The following MIDN variants were observed in gnomAD, a reference collection of about 807,000 sequenced individuals.
The protein encoded by MIDN is midnolin.
Under a neutral mutation model 46.1 loss-of-function variants are expected in MIDN, and 26 were observed. The observed-to-expected ratio is 0.56, with a 90% CI of 0.41 to 0.78. The LOEUF (loss-of-function observed/expected upper bound fraction) is 0.78, where lower values mean the gene tolerates loss of function less well. MIDN is among the 30% of genes least tolerant of loss of function. The pLI is 0.00. For missense variants in MIDN, 850 were observed against 771.8 expected (o/e 1.10, Z -1.20); for synonymous variants, 432 against 343.3 (o/e 1.26, Z -2.86).
chr19:1,256,732 C>G (rs987143124), intron 8 of MIDN, among the ~76,000 whole-genome samples: 2 of 152,116 alleles, frequency 1.3e-5, no homozygotes, highest in South Asian at 4.1e-4. Context: ...AGGCCTGTCT[C>G]GAACTCCTGA....
At chr19:1,249,339 G>A (rs1185677477) in intron 1 of MIDN, among the ~76,000 whole-genome samples, 1 of 149,940 alleles carries the variant, frequency 6.7e-6, no homozygotes, top group African/African-American at 2.4e-5. Context: ...TCGCCCGCCC[G>A]CCCCGGGACC....
chr19:1,249,348 C>T (rs1326705930), intron 1 of MIDN, among the ~76,000 whole-genome samples: 1 of 150,394 alleles, frequency 6.6e-6, no homozygotes, highest in South Asian at 2.1e-4. Context: ...CGCCCCGGGA[C>T]CCCGGCCACG....
Position 1,257,407 on chromosome 19 carries a change from T to C in MIDN, c.*135T>C. The C allele has an allele frequency of 3.0e-6, 2 of 666,038 alleles. No individual in the cohort carries two copies. The highest frequency in any genetic ancestry group is 1.9e-5 in the South Asian group (1 of 53,352). The allele number at this position is 666,038 out of a possible 1,614,324, so 41.3% of individuals were successfully genotyped here. On this transcript the variant is annotated 3_prime_UTR_variant, in exon 9 of 9. Transcript: ENST00000682408. Reference sequence around the variant, plus strand: ...CCCAGCCAGAAGTCTTTTTTTCTTTTCTTCTTTTTTATTATTTTTTTCTTT... The same window carrying C: ...CCCAGCCAGAAGTCTTTTTTTCTTTCCTTCTTTTTTATTATTTTTTTCTTT...
chr19:1,254,659 C>A (rs574680250), intron 6 of MIDN, among the ~76,000 whole-genome samples, 181 bp downstream of exon 6: 2 of 152,092 alleles, frequency 1.3e-5, no homozygotes, highest in African/African-American at 4.8e-5. Flanking sequence ...ATTTCTAGAT[C>A]CTGAGTTGAC....
Position 1,255,458 on chromosome 19 carries a change from G to C in MIDN, c.1022G>C (p.Arg341Pro). The change falls in exon 8 of 9, where the codon CGG (arginine) becomes CCG (proline). Residue 341 changes from arginine (R) to proline (P), a missense_variant. Physicochemically the swap from Arg to Pro is moderately radical, Grantham distance 103. Transcript: ENST00000682408. ...LHPNCQDSSG[R>P]PRRDIGTILQ... ...CCCAACTGCCAAGACAGCAGCGGGC[G>C]GCCGCGGCGTGACATCGGCACCATC... 1 of 1,604,072 alleles carries C rather than the reference G, an allele frequency of 6.2e-7. No individual in the cohort carries two copies. The highest frequency in any genetic ancestry group is 8.5e-7 in the Non-Finnish European group (1 of 1,176,038).
chr19:1,251,001 C>A (rs1276148702), intron 2 of MIDN, among the ~76,000 whole-genome samples: 1 of 152,046 alleles, frequency 6.6e-6, no homozygotes, highest in Non-Finnish European at 1.5e-5. Flanking sequence ...CCGGAGCCCT[C>A]CCCCCGCGGG....
At chr19:1,255,946 C>G (rs531999612) in intron 8 of MIDN, among the ~76,000 whole-genome samples, 1 of 152,400 alleles carries the variant, frequency 6.6e-6, no homozygotes, top group African/African-American at 2.4e-5. Flanking sequence ...GGGGCATCAT[C>G]TCCAGATGGC....
chr19:1,257,511 C>A lies in MIDN; in HGVS notation c.*239C>A. The A allele has an allele frequency of 2.3e-6, 1 of 433,220 alleles. No homozygotes were observed. The allele number at this position is 433,220 out of a possible 1,614,324, so 26.8% of individuals were successfully genotyped here. A position where few individuals can be genotyped will look rare whatever the true frequency, so the allele number is the denominator to read the frequency against. On this transcript the variant is annotated 3_prime_UTR_variant, in exon 9 of 9. Coordinates refer to ENST00000682408, the MANE Select transcript of MIDN (RefSeq NM_001388306.1). ...ACCTCCTTCACCCTTCACTCCTGCCCTCCTCTTCCTCCTCCTCCTCCTCCT... is the reference window on the plus strand; with the variant it reads ...ACCTCCTTCACCCTTCACTCCTGCCATCCTCTTCCTCCTCCTCCTCCTCCT...
intron 4 of MIDN, among the ~76,000 whole-genome samples, chr19:1,253,268 A>T (rs935538660): frequency 6.6e-6 from 1 of 151,330 alleles, no homozygotes; most frequent in African/African-American, 2.4e-5. Context: ...TGGGGGCTTC[A>T]CCCTGCCCTC....
At chr19:1,254,541 A>C in intron 6 of MIDN, 63 bp downstream of exon 6, 6 of 1,506,774 alleles carry the variant, frequency 4.0e-6, no homozygotes, top group Non-Finnish European at 5.4e-6. Flanking sequence ...CGTCCTGGGG[A>C]GGTCTTGGGG....
chr19:1,250,429 C>A lies in MIDN; in HGVS notation c.133C>A (p.Leu45Met). The A allele has an allele frequency of 7.3e-7, 1 of 1,376,434 alleles. No homozygotes were observed. Among genetic ancestry groups the A allele is most frequent in the Non-Finnish European group, 9.6e-7 (1 of 1,043,138 alleles). The allele number at this position is 1,376,434 out of a possible 1,614,324, so 85.3% of individuals were successfully genotyped here. The change falls in exon 2 of 9, where the codon CTG (leucine) becomes ATG (methionine). Residue 45 changes from leucine to methionine, a missense_variant. Transcript: ENST00000682408. Reference protein sequence around the residue: ...IHSTTGTRYDLAVPPDETVEG... With the variant: ...IHSTTGTRYDMAVPPDETVEG... ...CAGCACCACGGGCACCCGCTACGAC[C>A]TGGCCGTGCCGCCCGACGAGACGGT...
chr19:1,255,292 G>A (rs2145495581), intron 7 of MIDN, 130 bp from the exon 8 acceptor site: 1 of 1,272,216 alleles, frequency 7.9e-7, no homozygotes, highest in East Asian at 2.5e-5. Context: ...CCCGCCCCGT[G>A]GTCCCTCGTG....
Position 1,251,605 on chromosome 19 carries a change from G to A in MIDN, c.277G>A (p.Gly93Ser). 1 of 1,606,106 alleles carries A rather than the reference G, an allele frequency of 6.2e-7. No homozygotes were observed. Among genetic ancestry groups the A allele is most frequent in the Non-Finnish European group, 8.5e-7 (1 of 1,177,508 alleles). The change falls in exon 3 of 9, where the codon GGC (glycine) becomes AGC (serine). Residue 93 changes from glycine (G) to serine (S), a missense_variant. By Grantham distance (56) the Gly-to-Ser change is moderately conservative. Transcript: ENST00000682408. The part of the protein sequence containing the change: ...GKLQEFGVGD[G>S]SKLTLVPTVE... Reference sequence around the variant, plus strand: ...GCTGCAGGAGTTCGGCGTGGGTGATGGCAGCAAGCTGACCTTGGTACCCAC... The same window carrying A: ...GCTGCAGGAGTTCGGCGTGGGTGATAGCAGCAAGCTGACCTTGGTACCCAC...
intron 4 of MIDN, chr19:1,253,740 C>T (rs1170261853): frequency 8.1e-6 from 2 of 247,334 alleles, no homozygotes; most frequent in South Asian, 4.7e-5. Context: ...GGTGACTTAG[C>T]TGGGAGGGGG....
chr19:1,250,742 G>A (rs2081115662), intron 2 of MIDN, among the ~76,000 whole-genome samples: 1 of 151,520 alleles, frequency 6.6e-6, no homozygotes, highest in Non-Finnish European at 1.5e-5. Context: ...GGCGTCCCGG[G>A]CCGGGCTTCG....
intron 8 of MIDN, 109 bp downstream of exon 8, chr19:1,255,803 G>A (rs939776473): frequency 1.8e-6 from 2 of 1,100,984 alleles, no homozygotes; most frequent in Non-Finnish European, 2.5e-6. Flanking sequence ...CAGGGGCTGG[G>A]GGGGATGGCA....
At chr19:1,256,116 C>G (rs2081196073) in intron 8 of MIDN, among the ~76,000 whole-genome samples, 1 of 152,272 alleles carries the variant, frequency 6.6e-6, no homozygotes, top group South Asian at 2.1e-4. Flanking sequence ...CCTCCAGAGT[C>G]TCACCAGAAG....
In MIDN at chr19:1,255,464, G is replaced by A. The variant is rs1439787680; in HGVS notation, c.1028G>A (p.Arg343Gln). The A allele has an allele frequency of 6.8e-6, 11 of 1,606,416 alleles. No individual in the cohort carries two copies. The highest frequency in any genetic ancestry group is 2.2e-5 in the South Asian group (2 of 90,188). ...TGCCAAGACAGCAGCGGGCGGCCGC[G>A]GCGTGACATCGGCACCATCCTGCAG... ...PNCQDSSGRPRRDIGTILQIL... is the reference protein window; with the variant it reads ...PNCQDSSGRPQRDIGTILQIL... Residue 343 changes from arginine to glutamine, a missense_variant, in exon 8 of 9, where the codon CGG becomes CAG. Physicochemically the swap from Arg to Gln is conservative, Grantham distance 43 (BLOSUM62 1). Coordinates refer to ENST00000682408, the MANE Select transcript of MIDN (RefSeq NM_001388306.1).
At chr19:1,255,785 G>A in intron 8 of MIDN, 91 bp downstream of exon 8, 1 of 1,269,900 alleles carries the variant, frequency 7.9e-7, no homozygotes, top group Non-Finnish European at 1.1e-6. Context: ...AGGAGCAGCT[G>A]ACCTGCCCAG....
Sources: gnomAD v4.1 joint callset for allele counts (sites outside exome capture counted in the v4.1 genomes callset) on GRCh38, gnomAD v4.1.1 for gene constraint, MANE v1.5 for transcripts, NCBI Gene and HGNC (gene_info 2026-07-23, HGNC 2026-07-21) for gene names.